Variants in PLPPR1 observed in about 807,000 individuals in gnomAD.
The protein encoded by PLPPR1 is phospholipid phosphatase-related protein type 1.
A neutral mutation model predicts 33.1 loss-of-function variants in PLPPR1; 10 were observed. The ratio of observed to expected loss-of-function variants is 0.30; its 90% CI spans 0.19 to 0.51. The LOEUF (loss-of-function observed/expected upper bound fraction) is 0.51, where lower values mean the gene tolerates loss of function less well. PLPPR1 is among the 20% of genes least tolerant of loss of function. The pLI, the probability that PLPPR1 is intolerant of heterozygous loss-of-function variation, is 0.97. For missense variants in PLPPR1, 304 were observed against 408.1 expected (o/e 0.74, Z 2.20); for synonymous variants, 151 against 151.0 (o/e 1.00, Z 0.00).
intron 1 of PLPPR1, among the ~76,000 whole-genome samples, chr9:101,156,463 A>G (rs891220767): frequency 4.1e-5 from 6 of 147,262 alleles, no homozygotes; most frequent in Admixed American, 1.4e-4. Flanking sequence ...AGGCAAGATA[A>G]TTGCTTGAGT....
At chr9:101,153,677 C>T (rs952947237) in intron 1 of PLPPR1, among the ~76,000 whole-genome samples, 1 of 152,188 alleles carries the variant, frequency 6.6e-6, no homozygotes, top group Non-Finnish European at 1.5e-5. Context: ...CGGGTTCACA[C>T]CATTCTTCTG....
At chr9:101,222,496 C>T (rs185091131) in intron 2 of PLPPR1, among the ~76,000 whole-genome samples, 15 of 152,230 alleles carry the variant, frequency 9.9e-5, no homozygotes, top group African/African-American at 3.6e-4. Context: ...GTTTTTTCTT[C>T]ACTGCTTCTC....
chr9:101,180,177 GACACACACATATATACACAT>G (rs1401124476), intron 1 of PLPPR1, among the ~76,000 whole-genome samples: 11 of 94,616 alleles, frequency 1.2e-4, no homozygotes, highest in Admixed American at 3.1e-4. Flanking sequence ...CACACACACA[GACACACACATATATACACAT>G]ACACACACAT....
At chr9:101,315,176 T>C (rs563328341) in intron 6 of PLPPR1, among the ~76,000 whole-genome samples, 9 of 152,334 alleles carry the variant, frequency 5.9e-5, no homozygotes, top group South Asian at 2.1e-4. Flanking sequence ...TCTACTGTTA[T>C]AGTGAGCAGG....
intron 1 of PLPPR1, among the ~76,000 whole-genome samples, chr9:101,173,615 C>T (rs1490916617): frequency 1.3e-5 from 2 of 152,088 alleles, no homozygotes; most frequent in Non-Finnish European, 2.9e-5. Flanking sequence ...ATATGGTTGT[C>T]CCCTTGGCTA....
intron 2 of PLPPR1, among the ~76,000 whole-genome samples, chr9:101,247,307 A>T (rs1029994467): frequency 1.3e-5 from 2 of 151,976 alleles, no homozygotes; most frequent in Non-Finnish European, 2.9e-5. Context: ...TGGGAGAGAA[A>T]AAAACAGAAG....
At chr9:101,183,691 T>TTGTGTG (rs66895172) in intron 1 of PLPPR1, among the ~76,000 whole-genome samples, 1 of 150,142 alleles carries the variant, frequency 6.7e-6, no homozygotes, top group Non-Finnish European at 1.5e-5. Flanking sequence ...TCCCGTCTCT[T>TTGTGTG]TGTGTGTGTG....
chr9:101,132,421 T>C (rs1466857823), intron 1 of PLPPR1, among the ~76,000 whole-genome samples: 7 of 152,166 alleles, frequency 4.6e-5, no homozygotes, highest in African/African-American at 1.7e-4. Flanking sequence ...AGCCTAAATA[T>C]TGTAAGATTT....
At chr9:101,242,941 CAG>C (rs1466549644) in intron 2 of PLPPR1, among the ~76,000 whole-genome samples, 1 of 151,956 alleles carries the variant, frequency 6.6e-6, no homozygotes, top group African/African-American at 2.4e-5. Context: ...TAAGTGAACA[CAG>C]AGGAGAAAAT....
At chr9:101,309,731 T>C (rs759954439) in intron 5 of PLPPR1, among the ~76,000 whole-genome samples, 2 of 152,042 alleles carry the variant, frequency 1.3e-5, no homozygotes, top group African/African-American at 2.4e-5. Context: ...GAAAGCAGGG[T>C]CCCACAGTAT....
At chr9:101,056,786 TG>T (rs1361438270) in intron 1 of PLPPR1, among the ~76,000 whole-genome samples, 17 of 152,272 alleles carry the variant, frequency 1.1e-4, no homozygotes, top group African/African-American at 3.9e-4. Context: ...GAGCTGGAGA[TG>T]CAGATGTAGA....
At chr9:101,155,839 ATC>A (rs890842789) in intron 1 of PLPPR1, among the ~76,000 whole-genome samples, 1 of 152,154 alleles carries the variant, frequency 6.6e-6, no homozygotes, top group African/African-American at 2.4e-5. Context: ...ACCTCAAGTG[ATC>A]TGCCTGCCTC....
At chr9:101,322,572 C>T (rs1437870984) in intron 7 of PLPPR1, 1 of 152,018 alleles carries the variant, frequency 6.6e-6, no homozygotes, top group Non-Finnish European at 1.5e-5. Flanking sequence ...ATTTTTGCAA[C>T]TCAGAAATAA....
At chr9:101,153,815 C>G (rs1831634979) in intron 1 of PLPPR1, among the ~76,000 whole-genome samples, 1 of 151,638 alleles carries the variant, frequency 6.6e-6, no homozygotes, top group African/African-American at 2.4e-5. Flanking sequence ...GATCTCCTGA[C>G]CTCGTGATCC....
At chr9:101,032,012 G>T (rs1418424317) in intron 1 of PLPPR1, among the ~76,000 whole-genome samples, 1 of 152,160 alleles carries the variant, frequency 6.6e-6, no homozygotes, top group Non-Finnish European at 1.5e-5. Flanking sequence ...TTCTCAGAGA[G>T]CTTGACATTA....
intron 1 of PLPPR1, among the ~76,000 whole-genome samples, chr9:101,127,230 C>T (rs532735006): frequency 5.8e-4 from 88 of 152,356 alleles, no homozygotes; most frequent in African/African-American, 1.9e-3. Flanking sequence ...TACGCTCTAG[C>T]GTTCCTTCAC....
intron 4 of PLPPR1, among the ~76,000 whole-genome samples, chr9:101,290,581 A>G (rs1342237047): frequency 6.6e-6 from 1 of 152,160 alleles, no homozygotes; most frequent in African/African-American, 2.4e-5. Context: ...TTTAACCCCA[A>G]ATTCCACTGC....
At chr9:101,127,013 T>C (rs1053527891) in intron 1 of PLPPR1, among the ~76,000 whole-genome samples, 1 of 151,858 alleles carries the variant, frequency 6.6e-6, no homozygotes, top group East Asian at 1.9e-4. Context: ...TGGGCAAAAC[T>C]GCTTTACTGC....
intron 2 of PLPPR1, among the ~76,000 whole-genome samples, chr9:101,236,603 CT>C (rs1354233548): frequency 9.3e-5 from 14 of 150,908 alleles, no homozygotes; most frequent in Middle Eastern, 3.4e-3. Context: ...AAATGACCAT[CT>C]TTTTTTTCCT....
Sources: gnomAD v4.1 joint callset for allele counts (sites outside exome capture counted in the v4.1 genomes callset) on GRCh38, gnomAD v4.1.1 for gene constraint, MANE v1.5 for transcripts, NCBI Gene and HGNC (gene_info 2026-07-23, HGNC 2026-07-21) for gene names.